Variants in ZFHX3 observed in about 807,000 individuals in gnomAD.
ZFHX3 encodes zinc finger homeobox 3.
Under a neutral mutation model 279.1 loss-of-function variants are expected in ZFHX3, and 42 were observed. The ratio of observed to expected loss-of-function variants is 0.15; its 90% CI spans 0.12 to 0.19. ZFHX3 has a LOEUF of 0.19. Among genes scored for constraint, ZFHX3 ranks in the 10% least tolerant of loss-of-function variants. ZFHX3 has a pLI of 1.00. For synonymous variants in ZFHX3, 2,293 were observed against 1,957.8 expected (o/e 1.17, Z -4.52); for missense variants, 4,981 against 4,754.0 (o/e 1.05, Z -1.40).
Position 73,776,252 on chromosome 16 carries a change from G to A in ZFHX3, c.-1607-96012C>T, listed in dbSNP as rs1959241935. On this transcript the variant is annotated intron_variant, in intron 1 of 17. Transcript: ENST00000641206. ...TGCACAGCATGTCTATGACTGAAGT[G>A]TGCAGGGCTAGGAGAGCTTAAATTG... 9.2e-5 allele frequency among the ~76,000 whole-genome samples: 14 copies of A among 152,270 alleles called. No individual in the cohort carries two copies. In the South Asian group the frequency reaches 2.9e-3, roughly 32 times the overall value.
chr16:73,737,683 A>G (rs2053621023), intron 1 of ZFHX3, among the ~76,000 whole-genome samples: 1 of 140,662 alleles, frequency 7.1e-6, no homozygotes, highest in South Asian at 2.2e-4. Flanking sequence ...GGGAAAAAGG[A>G]AAAAAAAAAA....
intron 5 of ZFHX3, among the ~76,000 whole-genome samples, chr16:73,161,911 T>C (rs1338968551): frequency 6.6e-6 from 1 of 152,240 alleles, no homozygotes; most frequent in Non-Finnish European, 1.5e-5. Flanking sequence ...AAGAGGGGTG[T>C]GTCTCTAAGA....
intron 3 of ZFHX3, among the ~76,000 whole-genome samples, chr16:73,413,427 G>A (rs1031692724): frequency 3.9e-5 from 6 of 152,178 alleles, no homozygotes; most frequent in Admixed American, 6.5e-5. Context: ...GGCACCTTGC[G>A]GAAGGACTGC....
intron 3 of ZFHX3, among the ~76,000 whole-genome samples, chr16:73,392,697 T>G (rs1206029349): frequency 6.6e-6 from 1 of 152,202 alleles, no homozygotes; most frequent in African/African-American, 2.4e-5. Context: ...CCCCATCAAT[T>G]GATTTCACCA....
chr16:73,105,660 G>A (rs1966295017), intron 7 of ZFHX3, among the ~76,000 whole-genome samples: 1 of 152,076 alleles, frequency 6.6e-6, no homozygotes, highest in Admixed American at 6.6e-5. Context: ...GGCTGAGGCA[G>A]GAGAATCACT....
At chr16:73,815,121 C>T (rs757734990) in intron 1 of ZFHX3, among the ~76,000 whole-genome samples, 3 of 152,176 alleles carry the variant, frequency 2.0e-5, no homozygotes, top group Non-Finnish European at 2.9e-5. Context: ...GCTTACAGAA[C>T]GCACTCAACA....
intron 1 of ZFHX3, among the ~76,000 whole-genome samples, chr16:73,718,368 G>C (rs1424429640): frequency 1.3e-5 from 2 of 151,966 alleles, no homozygotes; most frequent in African/African-American, 4.8e-5. Context: ...CCAAGATCTT[G>C]CCATCACACT....
chr16:73,350,109 G>C (rs571253192), intron 3 of ZFHX3, among the ~76,000 whole-genome samples: 1 of 152,124 alleles, frequency 6.6e-6, no homozygotes, highest in South Asian at 2.1e-4. Context: ...AAAACAGTTT[G>C]AGGGAGGATG....
chr16:73,102,436 C>T (rs898737246), intron 7 of ZFHX3, among the ~76,000 whole-genome samples: 6 of 152,168 alleles, frequency 3.9e-5, no homozygotes, highest in Non-Finnish European at 8.8e-5. Flanking sequence ...CTTTAGGTCA[C>T]CTTTGCTTTT....
chr16:73,565,079 C>T (rs180814935), intron 2 of ZFHX3, among the ~76,000 whole-genome samples: 4 of 152,196 alleles, frequency 2.6e-5, no homozygotes, highest in African/African-American at 9.6e-5. Flanking sequence ...ATGGTGAAAC[C>T]CCATCTCTAC....
At chr16:72,970,515 G>C (rs146108191) in intron 1 of ZFHX3, among the ~76,000 whole-genome samples, 1 of 152,128 alleles carries the variant, frequency 6.6e-6, no homozygotes, top group East Asian at 1.9e-4. Flanking sequence ...AATTACCATA[G>C]AGCACGGATC....
intron 5 of ZFHX3, among the ~76,000 whole-genome samples, chr16:72,826,933 C>A (rs2036947652): frequency 1.3e-5 from 2 of 152,162 alleles, no homozygotes; most frequent in Non-Finnish European, 2.9e-5. Flanking sequence ...GACACACTCC[C>A]AATGAATCAG....
At chr16:73,059,500 TTTTC>T (rs960325800) in exon 1 of ZFHX3, 4 of 147,026 alleles carry the variant, frequency 2.7e-5, no homozygotes, top group African/African-American at 1.0e-4. Context: ...CCCCCTTCTC[TTTTC>T]TTTCTTATTA....
At chr16:73,677,626 C>A (rs562882126) in intron 2 of ZFHX3, among the ~76,000 whole-genome samples, 25 of 151,862 alleles carry the variant, frequency 1.6e-4, no homozygotes, top group African/African-American at 5.8e-4. Flanking sequence ...TTAACTATAA[C>A]AATATTTTGT....
intron 3 of ZFHX3, among the ~76,000 whole-genome samples, chr16:72,929,951 C>T (rs1160451488): frequency 6.6e-6 from 1 of 152,242 alleles, no homozygotes; most frequent in Non-Finnish European, 1.5e-5. Flanking sequence ...GGCGCGGTGG[C>T]TCACGCCTGT....
At chr16:73,635,649 C>T (rs1326073074) in intron 2 of ZFHX3, among the ~76,000 whole-genome samples, 1 of 152,132 alleles carries the variant, frequency 6.6e-6, no homozygotes, top group Non-Finnish European at 1.5e-5. Context: ...TAACCTCTCA[C>T]CCTGTGATCT....
At chr16:73,218,437 T>C (rs1200062602) in intron 5 of ZFHX3, among the ~76,000 whole-genome samples, 2 of 152,224 alleles carry the variant, frequency 1.3e-5, no homozygotes, top group Non-Finnish European at 2.9e-5. Flanking sequence ...ATCTTAAGAA[T>C]GCCAGAGCTT....
chr16:73,665,977 G>A (rs1004280493), intron 2 of ZFHX3, among the ~76,000 whole-genome samples: 4 of 151,312 alleles, frequency 2.6e-5, no homozygotes, highest in East Asian at 2.0e-4. Flanking sequence ...CACCACGCCC[G>A]GCTAATTTTT....
At chr16:73,379,432 T>A (rs988404125) in intron 3 of ZFHX3, among the ~76,000 whole-genome samples, 2 of 152,114 alleles carry the variant, frequency 1.3e-5, no homozygotes, top group African/African-American at 4.8e-5. Context: ...CAATATAAAA[T>A]GGAATAAAAG....
Sources: gnomAD v4.1 joint callset for allele counts (sites outside exome capture counted in the v4.1 genomes callset) on GRCh38, gnomAD v4.1.1 for gene constraint, MANE v1.5 for transcripts, NCBI Gene and HGNC (gene_info 2026-07-23, HGNC 2026-07-21) for gene names.